The following GREM2 variants were observed in gnomAD, a reference collection of about 807,000 sequenced individuals.
The protein encoded by GREM2 is gremlin 2, DAN family BMP antagonist, also known as gremlin-2.
A neutral mutation model predicts 14.2 loss-of-function variants in GREM2; 11 were observed. That is an observed-to-expected ratio of 0.78 (90% CI 0.49 to 1.28). The LOEUF (loss-of-function observed/expected upper bound fraction) is 1.28, where lower values mean the gene tolerates loss of function less well. Among genes scored for constraint, GREM2 ranks in the 50% most tolerant of loss-of-function variants. The probability of loss-of-function intolerance (pLI) is 0.00; values close to 1 mark genes in which losing one functional copy is unlikely to be tolerated. For missense variants in GREM2, 210 were observed against 218.5 expected, an observed-to-expected ratio of 0.96 and a Z score of 0.24; for synonymous variants, 98 against 97.6, an observed-to-expected ratio of 1.00 and a Z score of -0.02.
intron 1 of GREM2, among the ~76,000 whole-genome samples, chr1:240,506,110 T>A (rs2103283343): frequency 6.6e-6 from 1 of 152,290 alleles, no homozygotes; most frequent in East Asian, 1.9e-4. Context: ...CACTGAAGTA[T>A]ATTAAAGCAT....
At chr1:240,556,060 TGA>T (rs1290471816) in intron 1 of GREM2, among the ~76,000 whole-genome samples, 2 of 152,214 alleles carry the variant, frequency 1.3e-5, no homozygotes, top group East Asian at 1.9e-4. Context: ...CTGAAAATAA[TGA>T]GAGATTGATG....
At chr1:240,498,867 C>T (rs1677497086) in intron 1 of GREM2, among the ~76,000 whole-genome samples, 1 of 152,206 alleles carries the variant, frequency 6.6e-6, no homozygotes, top group African/African-American at 2.4e-5. Flanking sequence ...ATCTTTCTGG[C>T]CTGACCATGT....
chr1:240,552,748 CCTT>C (rs1678878727), intron 1 of GREM2, among the ~76,000 whole-genome samples: 1 of 152,154 alleles, frequency 6.6e-6, no homozygotes, highest in Non-Finnish European at 1.5e-5. Flanking sequence ...ATGATAATGT[CCTT>C]CTAACCGATT....
chr1:240,521,541 A>G (rs1299644797), intron 1 of GREM2, among the ~76,000 whole-genome samples: 5 of 152,156 alleles, frequency 3.3e-5, no homozygotes, highest in Non-Finnish European at 7.4e-5. Flanking sequence ...ACTGCACTCC[A>G]GCCTGGGCGA....
intron 1 of GREM2, among the ~76,000 whole-genome samples, chr1:240,510,287 G>A (rs911923583): frequency 8.2e-5 from 12 of 146,128 alleles, no homozygotes; most frequent in African/African-American, 3.0e-4. Flanking sequence ...GGAGAATGGC[G>A]TGAACCGGGG....
rs1237736899 is a variant in GREM2 at position 240,492,369 on chromosome 1, G to A, written c.*600C>T. The A allele has an allele frequency of 3.4e-6, 1 of 296,862 alleles. No individual in the cohort carries two copies. The highest frequency in any genetic ancestry group is 7.0e-6 in the Non-Finnish European group (1 of 142,166). 18.4% of individuals were successfully genotyped at this position (296,862 alleles called of 1,614,324 possible). On this transcript the variant is annotated 3_prime_UTR_variant, in exon 2 of 2. Transcript: ENST00000318160. Reference sequence around the variant, plus strand: ...CCACTTCGGGATCCAAGTGGCTCAAGTTGTCTTCTTGGTATCAGGTTTATT... The same window carrying A: ...CCACTTCGGGATCCAAGTGGCTCAAATTGTCTTCTTGGTATCAGGTTTATT...
intron 1 of GREM2, among the ~76,000 whole-genome samples, chr1:240,551,253 C>T (rs927618822): frequency 3.9e-5 from 6 of 152,170 alleles, no homozygotes; most frequent in African/African-American, 1.4e-4. Flanking sequence ...TCTCAAAGCC[C>T]TGACATCTGA....
rs1311927604 is a variant in GREM2, at chr1:240,562,928, ATG to A, written c.-2+48954_-2+48955del. Among the ~76,000 whole-genome samples the A allele has an allele frequency of 2.6e-4, 36 of 137,314 alleles. 1 individual carries two copies. In the East Asian group the frequency reaches 5.4e-3, roughly 21 times the overall value. 90.1% of individuals were successfully genotyped at this position (137,314 alleles called of 152,430 possible). ...TATGTATGTCTGTGAGTGTATGTGT[ATG>A]TGTGTGAGTGTGTGAGTGTGTATGT... is the stretch of plus-strand genomic sequence containing the variant. On this transcript the variant is annotated intron_variant, in intron 1 of 1. Transcript: ENST00000318160.
At chr1:240,559,911 G>A (rs1284679470) in intron 1 of GREM2, among the ~76,000 whole-genome samples, 1 of 152,090 alleles carries the variant, frequency 6.6e-6, no homozygotes, top group East Asian at 1.9e-4. Context: ...TCAAACAATG[G>A]CACAGGCGCC....
intron 1 of GREM2, among the ~76,000 whole-genome samples, chr1:240,562,968 GTA>G (rs1316067746): frequency 3.1e-4 from 36 of 117,390 alleles, no homozygotes; most frequent in African/African-American, 2.1e-3. Flanking sequence ...GTGAGTGTGT[GTA>G]TGTGTGTATA....
intron 1 of GREM2, among the ~76,000 whole-genome samples, chr1:240,610,302 A>C (rs1558183017): frequency 7.0e-6 from 1 of 143,440 alleles, no homozygotes; most frequent in Non-Finnish European, 1.6e-5. Context: ...AAGGAAAAAA[A>C]ATTTATCTAT....
chr1:240,584,930 A>G (rs1268447399), intron 1 of GREM2, among the ~76,000 whole-genome samples: 1 of 152,152 alleles, frequency 6.6e-6, no homozygotes, highest in Non-Finnish European at 1.5e-5. Context: ...CTGAGGGATG[A>G]CGGTGCTGCC....
chr1:240,590,492 C>T (rs569908137), intron 1 of GREM2, among the ~76,000 whole-genome samples: 6 of 148,822 alleles, frequency 4.0e-5, no homozygotes, highest in South Asian at 4.2e-4. Flanking sequence ...TGTAATGGGG[C>T]GATCCTGGCT....
intron 1 of GREM2, among the ~76,000 whole-genome samples, chr1:240,523,078 A>T (rs989932619): frequency 1.3e-5 from 2 of 152,238 alleles, no homozygotes; most frequent in African/African-American, 4.8e-5. Context: ...CCCTTAGCTC[A>T]ATAGGTATGG....
chr1:240,492,719 T>G lies in GREM2; in HGVS notation c.*250A>C. 3.3e-6 allele frequency: 1 copy of G among 307,058 alleles called. No homozygotes were observed. Among genetic ancestry groups the G allele is most frequent in the Non-Finnish European group, 5.9e-6 (1 of 169,472 alleles). 19.0% of individuals were successfully genotyped at this position (307,058 alleles called of 1,614,324 possible). On this transcript the variant is annotated 3_prime_UTR_variant, in exon 2 of 2. Transcript: ENST00000318160. ...GGTGGTGGTTTTCCAGCATTTTCCT[T>G]CGGGCCTGATCCACCGCCTGGTTTA...
chr1:240,514,472 T>A (rs1419714581), intron 1 of GREM2, among the ~76,000 whole-genome samples: 1 of 143,364 alleles, frequency 7.0e-6, no homozygotes, highest in Non-Finnish European at 1.5e-5. Flanking sequence ...AAGGTGAGAG[T>A]GAAATGTACA....
rs371966090 is a variant in GREM2 at position 240,609,556 on chromosome 1, T to C, written c.-2+2328A>G. Among the ~76,000 whole-genome samples, 52 of 152,254 alleles carry C rather than the reference T, an allele frequency of 3.4e-4. 3 individuals are homozygous for C. In the East Asian group the frequency reaches 8.8e-3, roughly 26 times the overall value. On this transcript the variant is annotated intron_variant, in intron 1 of 1. Transcript: ENST00000318160. Reference sequence around the variant, plus strand: ...CAAAACAATGTCTTGTGTGACCCATTTAAGCCGAGTGCTGGGCACGTTTTC... The same window carrying C: ...CAAAACAATGTCTTGTGTGACCCATCTAAGCCGAGTGCTGGGCACGTTTTC...
In GREM2 at chr1:240,543,054, A is replaced by C. The variant is rs1459572611; in HGVS notation, c.-1-49578T>G. On this transcript the variant is annotated intron_variant, in intron 1 of 1. Transcript: ENST00000318160. This position sits in a 1 kb window ranked among gnomAD's most constrained non-coding sequence, Gnocchi z 6.4. The stretch of plus-strand genomic sequence containing the variant: ...CAATTCCTCTGGGAAGCCTCCCAAA[A>C]TGTCCTAGGCTGCTCTCCTTCTGAG... Among the ~76,000 whole-genome samples, 1 of 152,184 alleles carries C rather than the reference A, an allele frequency of 6.6e-6. No individual in the cohort carries two copies. Among genetic ancestry groups the C allele is most frequent in the African/African-American group, 2.4e-5 (1 of 41,452 alleles).
Position 240,491,522 on chromosome 1 carries a change from T to C in GREM2, c.*1447A>G, listed in dbSNP as rs1236411417. 1 of 152,580 alleles carries C rather than the reference T, an allele frequency of 6.6e-6. No individual in the cohort carries two copies. The highest frequency in any genetic ancestry group is 2.4e-5 in the African/African-American group (1 of 41,454). The allele number at this position is 152,580 out of a possible 1,614,324, so 9.5% of individuals were successfully genotyped here. A position where few individuals can be genotyped will look rare whatever the true frequency, so the allele number is the denominator to read the frequency against. On this transcript the variant is annotated 3_prime_UTR_variant, in exon 2 of 2. Transcript: ENST00000318160. The stretch of plus-strand genomic sequence containing the variant: ...TTCCGTATATCAAGAGACCACAGCA[T>C]GGAAACGTCAACAATTCATTATAAA...
Sources: gnomAD v4.1 joint callset for allele counts (sites outside exome capture counted in the v4.1 genomes callset) on GRCh38, gnomAD v4.1.1 for gene constraint, Gnocchi (gnomAD v3.1) non-coding constraint, MANE v1.5 for transcripts, NCBI Gene and HGNC (gene_info 2026-07-23, HGNC 2026-07-21) for gene names.